DECR2: variants seen among roughly 807,000 people sequenced by gnomAD.
DECR2 encodes the protein peroxisomal 2,4-dienoyl-CoA reductase [(3E)-enoyl-CoA-producing].
Under a neutral mutation model 29.2 loss-of-function variants are expected in DECR2, and 34 were observed. The observed-to-expected ratio is 1.16, with a 90% CI of 0.89 to 1.55. DECR2 has a LOEUF of 1.55. DECR2 is among the 40% of genes most tolerant of loss of function. The pLI, the probability that DECR2 is intolerant of heterozygous loss-of-function variation, is 0.00. For synonymous variants in DECR2, 224 were observed against 182.7 expected (o/e 1.23, Z -1.82); for missense variants, 485 against 425.3 (o/e 1.14, Z -1.23).
chr16:407,228 G>A lies in DECR2; in HGVS notation c.202-197G>A, dbSNP rs1196430459. ...GGATTCTAGGACAGGTGGCAGGTGG[G>A]GGGAGAGCGTGGCAGGTTCCCACAA... On this transcript the variant is annotated intron_variant, in intron 3 of 8. Transcript: ENST00000219481. 6.4e-6 allele frequency: 9 copies of A among 1,402,980 alleles called. No homozygotes were observed. In the East Asian group the frequency reaches 1.8e-4, roughly 28 times the overall value. 86.9% of individuals were successfully genotyped at this position (1,402,980 alleles called of 1,614,324 possible).
At chr16:403,733 C>T (rs542512614) in intron 1 of DECR2, among the ~76,000 whole-genome samples, 19 of 152,336 alleles carry the variant, frequency 1.2e-4, no homozygotes, top group African/African-American at 4.3e-4. Flanking sequence ...GAAAAATTAG[C>T]TGGGCACTCT....
chr16:408,103 GTCTCC>G (rs2054760382), intron 4 of DECR2, among the ~76,000 whole-genome samples: 1 of 24,592 alleles, frequency 4.1e-5, no homozygotes, highest in African/African-American at 1.5e-4. Context: ...CCAGCCCCCT[GTCTCC>G]GGACCTCTGT....
At chr16:405,058 G>A (rs780158770) in intron 2 of DECR2, 34 bp downstream of exon 2, 8 of 1,612,474 alleles carry the variant, frequency 5.0e-6, no homozygotes, top group Middle Eastern at 1.7e-4. Flanking sequence ...CCTGCTCCTC[G>A]CTTCTCCCTG....
intron 1 of DECR2, among the ~76,000 whole-genome samples, chr16:404,365 A>G (rs2054700799): frequency 6.6e-6 from 1 of 150,656 alleles, no homozygotes; most frequent in Admixed American, 6.6e-5. Context: ...CAGCCTCCCA[A>G]GTAGCTGGGA....
rs576800459 is a variant in DECR2, at chr16:410,603, G to C, written c.463-88G>C. On this transcript the variant is annotated intron_variant, in intron 5 of 8. Transcript: ENST00000219481. This position sits in a 1 kb window ranked among gnomAD's most constrained non-coding sequence, Gnocchi z 4.1. ...CTGACGGCCGCCCGCTCCCTGCCCC[G>C]GGCCTCCCCCTGACAGCCACCCGCT... The C allele has an allele frequency of 7.1e-7, 1 of 1,410,726 alleles. No individual in the cohort carries two copies. 87.4% of individuals were successfully genotyped at this position (1,410,726 alleles called of 1,614,324 possible).
chr16:404,271 T>C (rs2054699854), intron 1 of DECR2, among the ~76,000 whole-genome samples: 1 of 151,980 alleles, frequency 6.6e-6, no homozygotes, highest in Non-Finnish European at 1.5e-5. Flanking sequence ...CATGTTTCGC[T>C]CTTGTTGCCC....
At chr16:408,917 C>T (rs938142195) in intron 4 of DECR2, among the ~76,000 whole-genome samples, 5 of 151,796 alleles carry the variant, frequency 3.3e-5, no homozygotes, top group South Asian at 4.2e-4. Context: ...CAGCACCCTC[C>T]GCCTCCCGGG....
At chr16:406,676 T>C in intron 3 of DECR2, 1 of 631,674 alleles carries the variant, frequency 1.6e-6, no homozygotes, top group Admixed American at 2.6e-5. Context: ...TTTTGCATTT[T>C]TTTGGTAGAG....
At chr16:402,577 G>A (rs1316351265) in intron 1 of DECR2, among the ~76,000 whole-genome samples, 1 of 151,978 alleles carries the variant, frequency 6.6e-6, no homozygotes, top group Non-Finnish European at 1.5e-5. Context: ...AAGGCAGCCC[G>A]GGCAAAGGTC....
intron 1 of DECR2, chr16:403,148 C>T (rs1323528290): frequency 1.5e-5 from 7 of 466,284 alleles, no homozygotes; most frequent in African/African-American, 2.1e-5. Context: ...AGCCTCAGTG[C>T]GCCCAAGTGG....
intron 1 of DECR2, among the ~76,000 whole-genome samples, chr16:402,630 T>G (rs769474204): frequency 2.4e-4 from 36 of 150,646 alleles, no homozygotes; most frequent in Admixed American, 7.3e-4. Context: ...AATGGGCGGA[T>G]CCTTTTTTTT....
rs2054803579 is a variant in DECR2, at chr16:410,577, C to CATGACGGCCGCCCG, written c.463-114_463-113insATGACGGCCGCCCG. On this transcript the variant is annotated intron_variant, in intron 5 of 8. Transcript: ENST00000219481. The surrounding 1 kb of genome is among the most constrained non-coding windows in gnomAD (Gnocchi z 4.1). ...GCCCGCTCCCTGCCCTGGGCCTCCC[C>CATGACGGCCGCCCG]CTGACGGCCGCCCGCTCCCTGCCCC... 21 of 1,385,936 alleles carry CATGACGGCCGCCCG rather than the reference C, an allele frequency of 1.5e-5. No homozygotes were observed. The highest frequency in any genetic ancestry group is 3.7e-5 in the South Asian group (3 of 80,022). The allele number at this position is 1,385,936 out of a possible 1,614,324, so 85.9% of individuals were successfully genotyped here.
chr16:408,054 GCCCTCT>G (rs2054757321), intron 4 of DECR2, among the ~76,000 whole-genome samples: 4 of 16,304 alleles, frequency 2.5e-4, no homozygotes, highest in African/African-American at 5.5e-4. Flanking sequence ...TCTGTCTCCG[GCCCTCT>G]GTCTCCGGGC....
At chr16:407,336 C>G in intron 3 of DECR2, 89 bp from the exon 4 acceptor site, 3 of 1,493,968 alleles carry the variant, frequency 2.0e-6, no homozygotes, top group Non-Finnish European at 2.7e-6. Context: ...CCCGAGGAAC[C>G]CGGAAGCATC....
intron 1 of DECR2, among the ~76,000 whole-genome samples, chr16:404,084 A>T (rs1199651007): frequency 2.6e-5 from 4 of 151,752 alleles, no homozygotes; most frequent in South Asian, 2.1e-4. Flanking sequence ...GAGGCAGGAG[A>T]ATGGTGTGAA....
intron 1 of DECR2, among the ~76,000 whole-genome samples, chr16:402,533 C>T (rs192617467): frequency 1.3e-5 from 2 of 152,306 alleles, no homozygotes; most frequent in African/African-American, 4.8e-5. Flanking sequence ...AGCAGCTCTT[C>T]ATTTTCCTGC....
chr16:401,960 C>A lies in DECR2; in HGVS notation c.-4C>A. The A allele has an allele frequency of 6.7e-7, 1 of 1,484,522 alleles. No homozygotes were observed. Among genetic ancestry groups the A allele is most frequent in the Non-Finnish European group, 8.9e-7 (1 of 1,124,872 alleles). The allele number at this position is 1,484,522 out of a possible 1,614,324, so 92.0% of individuals were successfully genotyped here. A position where few individuals can be genotyped will look rare whatever the true frequency, so the allele number is the denominator to read the frequency against. ...TTGTCCCCGCAGTCCCCGACGGGAG[C>A]GCCATGGCCCAGCCGCCGCCCGACG... On this transcript the variant is annotated 5_prime_UTR_variant, in exon 1 of 9. Coordinates refer to ENST00000219481, the MANE Select transcript of DECR2 (RefSeq NM_020664.4).
rs2054759286 is a variant in DECR2 at position 408,083 on chromosome 16, GCCCCTGTCTCCAGCCCCCTGTCTCCGGA to G, written c.337+526_337+553del. Among the ~76,000 whole-genome samples the G allele has an allele frequency of 9.3e-4, 7 of 7,490 alleles. 2 individuals carry two copies. The highest frequency in any genetic ancestry group is 5.0e-3 in the African/African-American group (7 of 1,388). The allele number at this position is 7,490 out of a possible 152,430, so 4.9% of individuals were successfully genotyped here. On this transcript the variant is annotated intron_variant, in intron 4 of 8. Transcript: ENST00000219481. Reference sequence around the variant, plus strand: ...TCTGTCTCCGGGCCCCTGTCTCCGGGCCCCTGTCTCCAGCCCCCTGTCTCCGGACCTCTGTCTCCGGGCCCCTGTCTCC... The same window carrying G: ...TCTGTCTCCGGGCCCCTGTCTCCGGGCCTCTGTCTCCGGGCCCCTGTCTCC...
At chr16:407,148 T>C (rs985927151) in intron 3 of DECR2, 1 of 1,253,006 alleles carries the variant, frequency 8.0e-7, no homozygotes, top group Non-Finnish European at 1.0e-6. Context: ...CCACCTCTGG[T>C]CTGCAGCAGG....
Sources: allele counts gnomAD v4.1 joint callset (sites outside exome capture counted in the v4.1 genomes callset), GRCh38; gene constraint gnomAD v4.1.1; non-coding constraint Gnocchi (gnomAD v3.1); transcripts MANE v1.5; gene names NCBI Gene and HGNC (gene_info 2026-07-23, HGNC 2026-07-21).